TNFRSF11A: variants seen among roughly 807,000 people sequenced by gnomAD.
TNFRSF11A encodes tumor necrosis factor receptor superfamily member 11A.
TNFRSF11A carries 32 observed loss-of-function variants against 55.7 expected under a neutral mutation model. The ratio of observed to expected loss-of-function variants is 0.57; its 90% confidence interval spans 0.43 to 0.77. The LOEUF (loss-of-function observed/expected upper bound fraction) is 0.77. TNFRSF11A is among the 30% of genes least tolerant of loss of function. The pLI is 0.00. For synonymous variants in TNFRSF11A, 311 were observed against 331.0 expected, an observed-to-expected ratio of 0.94 and a Z score of 0.65; for missense variants, 753 against 809.8, an observed-to-expected ratio of 0.93 and a Z score of 0.85.
In TNFRSF11A at chr18:62,385,062, C is replaced by T. The variant is rs1316283847; in HGVS notation, c.*28C>T. Reference sequence around the variant, plus strand: ...GCCCCCCATGGCTGGGAGCCCGAAGCTCGGAGCCAGGGCTCGCGAGGGCAG... The same window carrying T: ...GCCCCCCATGGCTGGGAGCCCGAAGTTCGGAGCCAGGGCTCGCGAGGGCAG... On this transcript the variant is annotated 3_prime_UTR_variant, in exon 10 of 10. Transcript: ENST00000586569. 14 of 1,455,646 alleles carry T rather than the reference C, an allele frequency of 9.6e-6. No individual in the cohort carries two copies. Among genetic ancestry groups the T allele is most frequent in the Non-Finnish European group, 1.2e-5 (13 of 1,113,502 alleles). The allele number at this position is 1,455,646 out of a possible 1,614,324, so 90.2% of individuals were successfully genotyped here.
chr18:62,369,257 C>G lies in TNFRSF11A; in HGVS notation c.1340C>G (p.Thr447Arg). Residue 447 changes from threonine (T) to arginine (R), a missense_variant, in exon 9 of 10, where the codon ACA becomes AGA. Thr to Arg is a moderately conservative substitution (Grantham distance 71). Around this residue, in one of 3 missense-constraint regions of TNFRSF11A, gnomAD observed 567 missense variants for 596.7 expected, o/e 0.95. Transcript: ENST00000586569. ...SPSPNWADVCTGCRNPPGEDC... is the reference protein window; with the variant it reads ...SPSPNWADVCRGCRNPPGEDC... ...AGCCCCAACTGGGCAGATGTCTGCA[C>G]AGGCTGCCGGAACCCTCCTGGGGAG... 1.9e-6 allele frequency: 3 copies of G among 1,613,554 alleles called. No homozygotes were observed. Among genetic ancestry groups the G allele is most frequent in the Middle Eastern group, 1.6e-4 (1 of 6,062 alleles).
At chr18:62,378,357 T>A (rs534447361) in intron 9 of TNFRSF11A, among the ~76,000 whole-genome samples, 1 of 152,316 alleles carries the variant, frequency 6.6e-6, no homozygotes, top group East Asian at 1.9e-4. Flanking sequence ...ATTATATAGA[T>A]GAGTGTTGTA....
rs777809467 is a variant in TNFRSF11A, at chr18:62,369,442, G to T, written c.1525G>T (p.Ala509Ser). The change falls in exon 9 of 10, where the codon GCC (alanine) becomes TCC (serine). Residue 509 changes from alanine to serine, a missense_variant. Coordinates refer to ENST00000586569, the MANE Select transcript of TNFRSF11A (RefSeq NM_003839.4). Reference sequence around the variant, plus strand: ...GCTCCCAAGCTCAGCGAGGGCAGGTGCCGGGTCTGGAAGCTCCCCTGGTGG... The same window carrying T: ...GCTCCCAAGCTCAGCGAGGGCAGGTTCCGGGTCTGGAAGCTCCCCTGGTGG... ...GRLPSSARAG[A>S]GSGSSPGGQS... is the part of the protein sequence containing the mutation. 3.2e-5 allele frequency: 52 copies of T among 1,609,972 alleles called. No individual in the cohort carries two copies. The highest frequency in any genetic ancestry group is 4.2e-5 in the Non-Finnish European group (50 of 1,180,042).
At chr18:62,363,656 C>T (rs568592572) in intron 7 of TNFRSF11A, among the ~76,000 whole-genome samples, 9 of 152,226 alleles carry the variant, frequency 5.9e-5, no homozygotes, top group Non-Finnish European at 7.4e-5. Flanking sequence ...CATGAGCCAC[C>T]GCACCCAGCC....
chr18:62,375,154 G>A (rs1428315429), intron 9 of TNFRSF11A, among the ~76,000 whole-genome samples: 3 of 150,592 alleles, frequency 2.0e-5, no homozygotes, highest in East Asian at 2.0e-4. Context: ...GAGCTCAAAC[G>A]GATCCACACA....
At chr18:62,343,036 G>A (rs570610263) in intron 1 of TNFRSF11A, among the ~76,000 whole-genome samples, 25 of 152,268 alleles carry the variant, frequency 1.6e-4, no homozygotes, top group East Asian at 7.7e-4. Flanking sequence ...GATCAGTTTC[G>A]ATAGTGACTT....
At chr18:62,371,270 G>A (rs766434200) in intron 9 of TNFRSF11A, among the ~76,000 whole-genome samples, 27 of 152,280 alleles carry the variant, frequency 1.8e-4, no homozygotes, top group African/African-American at 5.8e-4. Context: ...GGGGCAGACC[G>A]GTTTTTCAGT....
rs572449155 is a variant in TNFRSF11A at position 62,368,696 on chromosome 18, G to A, written c.784-5G>A. The A allele has an allele frequency of 1.7e-5, 28 of 1,614,134 alleles. No homozygotes were observed. The highest frequency in any genetic ancestry group is 1.6e-4 in the Middle Eastern group (1 of 6,062). Reference sequence around the variant, plus strand: ...TGCCTCTGCCTTCTGAATGTAAATCGGCAGGAGTCCTCAGGTGACAGTTGT... The same window carrying A: ...TGCCTCTGCCTTCTGAATGTAAATCAGCAGGAGTCCTCAGGTGACAGTTGT... On this transcript the variant is annotated splice_region_variant and splice_polypyrimidine_tract_variant and intron_variant, in intron 8 of 9. Transcript: ENST00000586569.
At chr18:62,381,057 G>C (rs1600426285) in intron 9 of TNFRSF11A, among the ~76,000 whole-genome samples, 1 of 152,206 alleles carries the variant, frequency 6.6e-6, no homozygotes, top group East Asian at 1.9e-4. Context: ...ACCCACTTCG[G>C]CCTCCCAAAA....
intron 9 of TNFRSF11A, among the ~76,000 whole-genome samples, chr18:62,369,726 A>G (rs1910393749): frequency 6.6e-6 from 1 of 152,194 alleles, no homozygotes; most frequent in Non-Finnish European, 1.5e-5. Context: ...GCATCCATGC[A>G]TATCCCATAC....
chr18:62,360,279 A>G (rs1374663082), intron 6 of TNFRSF11A, among the ~76,000 whole-genome samples: 1 of 152,196 alleles, frequency 6.6e-6, no homozygotes, highest in Non-Finnish European at 1.5e-5. Flanking sequence ...TTTGATATAC[A>G]TAAAAAGAAA....
At chr18:62,344,184 C>T (rs1459671568) in intron 1 of TNFRSF11A, among the ~76,000 whole-genome samples, 27 of 152,206 alleles carry the variant, frequency 1.8e-4, no homozygotes. Context: ...GAGACTGGGA[C>T]AGAGTTTCCT....
intron 8 of TNFRSF11A, among the ~76,000 whole-genome samples, chr18:62,368,330 G>A (rs996137791): frequency 2.0e-5 from 3 of 152,182 alleles, no homozygotes; most frequent in African/African-American, 7.2e-5. Flanking sequence ...ATACCACAGT[G>A]ATACACAGAG....
In TNFRSF11A at chr18:62,386,975, CA is replaced by C. The variant is rs1911779255; in HGVS notation, c.*1944del. The C allele has an allele frequency of 2.0e-5, 3 of 152,298 alleles. No individual in the cohort carries two copies. The South Asian group carries it at 6.2e-4, about 32-fold the overall frequency. 9.4% of individuals were successfully genotyped at this position (152,298 alleles called of 1,614,324 possible). A position where few individuals can be genotyped will look rare whatever the true frequency, so the allele number is the denominator to read the frequency against. ...GAATATATTACAGAGTTACAGTTCA[CA>C]AAGTAGAATGCTGAGCTGAAAACCC... is the stretch of plus-strand genomic sequence containing the variant. On this transcript the variant is annotated 3_prime_UTR_variant, in exon 10 of 10. Coordinates refer to ENST00000586569, the MANE Select transcript of TNFRSF11A (RefSeq NM_003839.4).
At chr18:62,382,178 T>C (rs1490872827) in intron 9 of TNFRSF11A, among the ~76,000 whole-genome samples, 2 of 146,890 alleles carry the variant, frequency 1.4e-5, no homozygotes, top group Non-Finnish European at 3.0e-5. Context: ...TGGCGCGATC[T>C]TGACTCACTG....
chr18:62,375,363 C>A (rs1910820015), intron 9 of TNFRSF11A, among the ~76,000 whole-genome samples: 1 of 152,166 alleles, frequency 6.6e-6, no homozygotes, highest in African/African-American at 2.4e-5. Flanking sequence ...ACTGCACTGT[C>A]TGGGATTACA....
chr18:62,356,694 G>T (rs1909284437), intron 4 of TNFRSF11A, among the ~76,000 whole-genome samples: 1 of 152,232 alleles, frequency 6.6e-6, no homozygotes, highest in Non-Finnish European at 1.5e-5. Flanking sequence ...TGGGAACTGT[G>T]CTGGGAGGCG....
chr18:62,371,182 G>T (rs1330184752), intron 9 of TNFRSF11A, among the ~76,000 whole-genome samples: 3 of 152,186 alleles, frequency 2.0e-5, no homozygotes, highest in Non-Finnish European at 4.4e-5. Flanking sequence ...TGTGGAGACA[G>T]ACAGGACCCT....
At chr18:62,373,648 G>A (rs925326049) in intron 9 of TNFRSF11A, among the ~76,000 whole-genome samples, 1 of 152,130 alleles carries the variant, frequency 6.6e-6, no homozygotes, top group Non-Finnish European at 1.5e-5. Flanking sequence ...GTCTGCTCTA[G>A]GGAGCTGGAG....
Sources: gnomAD v4.1 joint callset for allele counts (sites outside exome capture counted in the v4.1 genomes callset) on GRCh38, gnomAD v4.1.1 for gene constraint, gnomAD v4.1.1 regional missense constraint, MANE v1.5 for transcripts, NCBI Gene and HGNC (gene_info 2026-07-23, HGNC 2026-07-21) for gene names.